Variants in NAV2 observed in about 807,000 individuals in gnomAD.
NAV2 encodes the protein neuron navigator 2, also known as helicase, APC down-regulated 1.
NAV2 carries 54 observed loss-of-function variants against 223.2 expected under a neutral mutation model. The ratio of observed to expected loss-of-function variants is 0.24; its 90% CI spans 0.19 to 0.30. The LOEUF (loss-of-function observed/expected upper bound fraction) is 0.30. Among genes scored for constraint, NAV2 ranks in the 10% least tolerant of loss-of-function variants. The pLI, the probability that NAV2 is intolerant of heterozygous loss-of-function variation, is 1.00. For missense variants in NAV2, 2,806 were observed against 3,147.5 expected, an observed-to-expected ratio of 0.89 and a Z score of 2.60; for synonymous variants, 1,279 against 1,239.3, an observed-to-expected ratio of 1.03 and a Z score of -0.67.
intron 14 of NAV2, among the ~76,000 whole-genome samples, chr11:20,046,971 T>C (rs2057503046): frequency 6.6e-6 from 1 of 152,190 alleles, no homozygotes; most frequent in Non-Finnish European, 1.5e-5. Context: ...AACAGGAATG[T>C]TTGAAAAGAC....
At chr11:19,833,839 G>A (rs953510758) in intron 2 of NAV2, among the ~76,000 whole-genome samples, 1 of 152,124 alleles carries the variant, frequency 6.6e-6, no homozygotes, top group South Asian at 2.1e-4. Flanking sequence ...GTGGGCCCTG[G>A]CTTCTTGGTG....
At chr11:19,377,132 T>G (rs1326000851) in intron 1 of NAV2, among the ~76,000 whole-genome samples, 1 of 152,208 alleles carries the variant, frequency 6.6e-6, no homozygotes, top group African/African-American at 2.4e-5. Flanking sequence ...TTCTAGGCCT[T>G]GTTTTCTCAA....
upstream of NAV2, among the ~76,000 whole-genome samples, chr11:19,346,828 T>C (rs1049991340): frequency 6.6e-5 from 10 of 152,188 alleles, no homozygotes; most frequent in African/African-American, 2.2e-4. Flanking sequence ...ACCTCTTATG[T>C]AACTTATTTA....
chr11:19,501,540 A>C (rs925503657), intron 1 of NAV2, among the ~76,000 whole-genome samples: 7 of 152,148 alleles, frequency 4.6e-5, no homozygotes, highest in African/African-American at 1.7e-4. Context: ...TCCCAAAAAC[A>C]GATCTTGAGG....
intron 1 of NAV2, among the ~76,000 whole-genome samples, chr11:19,595,272 G>T (rs1170946169): frequency 6.6e-6 from 1 of 152,120 alleles, no homozygotes; most frequent in Non-Finnish European, 1.5e-5. Context: ...CATGACCAGG[G>T]AGCATCCTCA....
chr11:19,589,314 T>C (rs986822451), intron 1 of NAV2, among the ~76,000 whole-genome samples: 4 of 152,230 alleles, frequency 2.6e-5, no homozygotes, highest in Non-Finnish European at 4.4e-5. Flanking sequence ...GGAGCTATCC[T>C]GACTTTACCA....
chr11:19,790,777 C>A (rs1168444684), intron 1 of NAV2, among the ~76,000 whole-genome samples: 1 of 152,074 alleles, frequency 6.6e-6, no homozygotes, highest in South Asian at 2.1e-4. Context: ...TCATGCAACA[C>A]CAAGTCGCTA....
chr11:19,796,609 C>A (rs1284765371), intron 1 of NAV2, among the ~76,000 whole-genome samples: 1 of 152,178 alleles, frequency 6.6e-6, no homozygotes, highest in African/African-American at 2.4e-5. Flanking sequence ...ACAGGTCAGG[C>A]TGACCCTGAA....
At chr11:20,081,097 G>A (rs1462365159) in intron 25 of NAV2, among the ~76,000 whole-genome samples, 1 of 152,132 alleles carries the variant, frequency 6.6e-6, no homozygotes, top group African/African-American at 2.4e-5. Flanking sequence ...CACTCATTTT[G>A]TGTTATCTTG....
rs572609315 is a variant in NAV2 at position 19,894,506 on chromosome 11, G to C, written c.931+1912G>C. Among the ~76,000 whole-genome samples, 5 of 152,310 alleles carry C rather than the reference G, an allele frequency of 3.3e-5. No individual in the cohort carries two copies. In the East Asian group the frequency reaches 7.7e-4, roughly 23 times the overall value. On this transcript the variant is annotated intron_variant, in intron 6 of 37. Transcript: ENST00000349880. ...GAAAATAAAGATAAAAGTTCCTGGTGGATTTAACAGGTATAGAAGTATACT... is the reference window on the plus strand; with the variant it reads ...GAAAATAAAGATAAAAGTTCCTGGTCGATTTAACAGGTATAGAAGTATACT...
At chr11:19,511,286 T>C (rs558967982) in intron 1 of NAV2, 1 of 152,340 alleles carries the variant, frequency 6.6e-6, no homozygotes, top group Non-Finnish European at 1.5e-5. Flanking sequence ...AGTGGCACCA[T>C]GGCTCTGGCA....
rs182320415 is a variant in NAV2 at position 19,389,211 on chromosome 11, G to C, written c.75+38184G>C. On this transcript the variant is annotated intron_variant, in intron 1 of 37. Transcript: ENST00000360655. The stretch of plus-strand genomic sequence containing the variant: ...GGCTTGCTGTCCATCCTGTCTGCTA[G>C]CAGTCAATCCACCAGGTTGTCAATT... Among the ~76,000 whole-genome samples the C allele has an allele frequency of 2.4e-3, 362 of 152,324 alleles. 1 individual carries two copies. Among genetic ancestry groups the C allele is most frequent in the Non-Finnish European group, 4.4e-3 (298 of 68,022 alleles).
chr11:19,715,855 T>C (rs2050264023), intron 1 of NAV2, among the ~76,000 whole-genome samples: 1 of 152,202 alleles, frequency 6.6e-6, no homozygotes, highest in African/African-American at 2.4e-5. Context: ...TTGGATGGAC[T>C]GCTAAGGAAA....
At chr11:19,621,222 C>CT (rs1252614344) in intron 1 of NAV2, among the ~76,000 whole-genome samples, 2 of 152,038 alleles carry the variant, frequency 1.3e-5, no homozygotes, top group South Asian at 2.1e-4. Flanking sequence ...CTAAAATTCT[C>CT]TTTTTTTGTT....
chr11:19,634,504 T>C (rs2047435631), intron 1 of NAV2, among the ~76,000 whole-genome samples: 1 of 152,286 alleles, frequency 6.6e-6, no homozygotes, highest in Admixed American at 6.5e-5. Context: ...TTTTTAATTG[T>C]GTAAAAAGAA....
rs371355827 is a variant in NAV2 at position 19,638,811 on chromosome 11, G to C, written c.76-193673G>C. Among the ~76,000 whole-genome samples, 480 of 152,150 alleles carry C rather than the reference G, an allele frequency of 3.2e-3. 5 individuals are homozygous for C. The highest frequency in any genetic ancestry group is 0.011 in the African/African-American group (463 of 41,504). On this transcript the variant is annotated intron_variant, in intron 1 of 37. Transcript: ENST00000360655. ...AGTTCGAGACCAGCCTGACCAACACGGTGAAACCCCGTGTCTACTAAAAAT... is the reference window on the plus strand; with the variant it reads ...AGTTCGAGACCAGCCTGACCAACACCGTGAAACCCCGTGTCTACTAAAAAT...
intron 1 of NAV2, among the ~76,000 whole-genome samples, chr11:19,376,869 A>G (rs1294632857): frequency 6.6e-6 from 1 of 152,206 alleles, no homozygotes; most frequent in East Asian, 1.9e-4. Flanking sequence ...ATGGTATTTA[A>G]CAAGCATGTA....
At chr11:19,369,915 G>A (rs1206311557) in intron 1 of NAV2, among the ~76,000 whole-genome samples, 1 of 152,190 alleles carries the variant, frequency 6.6e-6, no homozygotes, top group Non-Finnish European at 1.5e-5. Flanking sequence ...GTGGCTCTAA[G>A]ACCTGGTACA....
At chr11:20,111,058 A>G (rs1324467456) in intron 36 of NAV2, among the ~76,000 whole-genome samples, 1 of 152,164 alleles carries the variant, frequency 6.6e-6, no homozygotes, top group East Asian at 1.9e-4. Context: ...GAAACATGAT[A>G]TCGCCCTCTA....
Sources: gnomAD v4.1 joint callset for allele counts (sites outside exome capture counted in the v4.1 genomes callset) on GRCh38, gnomAD v4.1.1 for gene constraint, MANE v1.5 for transcripts, NCBI Gene and HGNC (gene_info 2026-07-23, HGNC 2026-07-21) for gene names.